FAM133B: variants seen among roughly 807,000 people sequenced by gnomAD.
FAM133B encodes the protein protein FAM133B.
A neutral mutation model predicts 46.4 loss-of-function variants in FAM133B; 25 were observed. The observed-to-expected ratio is 0.54, with a 90% CI of 0.39 to 0.75. FAM133B has a LOEUF of 0.75. Among genes scored for constraint, FAM133B ranks in the 30% least tolerant of loss-of-function variants. The probability of loss-of-function intolerance (pLI) is 0.00; values close to 1 mark genes in which losing one functional copy is unlikely to be tolerated. For synonymous variants in FAM133B, 75 were observed against 86.0 expected, an observed-to-expected ratio of 0.87 and a Z score of 0.71; for missense variants, 205 against 277.6, an observed-to-expected ratio of 0.74 and a Z score of 1.86.
At chr7:92,577,928 T>C in intron 5 of FAM133B, 1 of 650,810 alleles carries the variant, frequency 1.5e-6, no homozygotes. Flanking sequence ...CCAATCTTTC[T>C]CTTTAAATAG....
intron 9 of FAM133B, among the ~76,000 whole-genome samples, chr7:92,569,369 T>C: frequency 6.6e-6 from 1 of 152,104 alleles, no homozygotes; most frequent in East Asian, 1.9e-4. Context: ...AGTAATATGA[T>C]ATGTTTCCTG....
At chr7:92,585,790 A>C (rs1446785663) in intron 1 of FAM133B, among the ~76,000 whole-genome samples, 2 of 152,218 alleles carry the variant, frequency 1.3e-5, no homozygotes, top group Non-Finnish European at 2.9e-5. Flanking sequence ...AAAAAATTTT[A>C]AATAATGATT....
intron 10 of FAM133B, 75 bp downstream of exon 10, chr7:92,565,939 G>A (rs1432423357): frequency 2.0e-6 from 3 of 1,490,818 alleles, no homozygotes; most frequent in Non-Finnish European, 2.8e-6. Context: ...ATCCAATCAA[G>A]CTTTACCATG....
rs1562888538 is a variant in FAM133B at position 92,566,020 on chromosome 7, T to C, written c.651A>G (p.Lys217=). The C allele has an allele frequency of 6.2e-7, 1 of 1,613,748 alleles. No homozygotes were observed. Among genetic ancestry groups the C allele is most frequent in the Non-Finnish European group, 8.5e-7 (1 of 1,179,814 alleles). The change falls in exon 10 of 11, where the codon AAA becomes AAG. Residue 217 remains lysine (K), a synonymous_variant. Transcript: ENST00000445716. ...AACGTTAAGAGATACTTGCTGTTGC[T>C]TTTTCTCGTTCTTCACTGCTTTTCT... ...KKKKSSEERE[K]ATEKTKKKKK...
chr7:92,582,790 C>T (rs1255774122), intron 1 of FAM133B, among the ~76,000 whole-genome samples: 2 of 152,222 alleles, frequency 1.3e-5, no homozygotes, highest in African/African-American at 4.8e-5. Flanking sequence ...CAAAGAGATG[C>T]CATTCTATAC....
intron 9 of FAM133B, among the ~76,000 whole-genome samples, chr7:92,568,150 G>T (rs1022483855): frequency 2.0e-5 from 3 of 151,954 alleles, no homozygotes; most frequent in African/African-American, 7.3e-5. Flanking sequence ...CGTAACTCCT[G>T]GTCTGAACTG....
chr7:92,563,905 C>T (rs752939037), intron 10 of FAM133B, among the ~76,000 whole-genome samples: 3 of 152,186 alleles, frequency 2.0e-5, no homozygotes, highest in African/African-American at 7.2e-5. Context: ...AACTCCATTA[C>T]TATCACTGCT....
rs780917547 is a variant in FAM133B at position 92,581,391 on chromosome 7, A to G, written c.122+115T>C. The G allele has an allele frequency of 1.0e-4, 84 of 822,286 alleles. 1 individual carries two copies. Among genetic ancestry groups the G allele is most frequent in the Non-Finnish European group, 1.5e-4 (81 of 523,848 alleles). The allele number at this position is 822,286 out of a possible 1,614,324, so 50.9% of individuals were successfully genotyped here. ...GAAAGCACATATCAAATGTTACTTA[A>G]AAAAATTACTTATCTGGCAATTGCT... On this transcript the variant is annotated intron_variant, in intron 2 of 10. Transcript: ENST00000445716.
intron 9 of FAM133B, among the ~76,000 whole-genome samples, chr7:92,568,261 A>C (rs763946521): frequency 1.3e-5 from 2 of 151,970 alleles, no homozygotes; most frequent in African/African-American, 2.4e-5. Flanking sequence ...GATATACTGT[A>C]ATGCCACTGT....
intron 6 of FAM133B, 80 bp from the exon 7 acceptor site, chr7:92,577,275 C>T: frequency 1.1e-6 from 1 of 949,714 alleles, no homozygotes; most frequent in Non-Finnish European, 1.5e-6. Flanking sequence ...AAACTTTTAT[C>T]AGTGAACAAA....
At chr7:92,590,020 G>A (rs1222637134) in intron 1 of FAM133B, 4 of 591,330 alleles carry the variant, frequency 6.8e-6, no homozygotes, top group Non-Finnish European at 1.2e-5. Flanking sequence ...GTGCAAACCA[G>A]CAGCGCCAGA....
At chr7:92,581,986 C>T (rs1298402509) in intron 1 of FAM133B, among the ~76,000 whole-genome samples, 1 of 152,126 alleles carries the variant, frequency 6.6e-6, no homozygotes, top group Non-Finnish European at 1.5e-5. Flanking sequence ...CAGTGGCTCA[C>T]GCCTGTAACC....
At position 92,579,323 on chromosome 7, in the gene FAM133B, C is replaced by T; in HGVS notation, c.195G>A (p.Met65Ile). The stretch of plus-strand genomic sequence containing the variant: ...ACAGGTACTTTTTACAAACCTCATT[C>T]ATTTTTTCTTCAAATTCAGCCAAAG... The part of the protein sequence containing the change: ...SKALAEFEEK[M>I]NENWKKELEK... The change falls in exon 3 of 11, where the codon ATG becomes ATA. Residue 65 changes from methionine to isoleucine, a missense_variant. Transcript: ENST00000445716. 4 of 1,608,770 alleles carry T rather than the reference C, an allele frequency of 2.5e-6. No homozygotes were observed. Among genetic ancestry groups the T allele is most frequent in the Non-Finnish European group, 3.4e-6 (4 of 1,178,490 alleles).
chr7:92,565,079 A>G (rs1794298551), intron 10 of FAM133B, among the ~76,000 whole-genome samples: 1 of 151,984 alleles, frequency 6.6e-6, no homozygotes, highest in Non-Finnish European at 1.5e-5. Context: ...AACAGAAATC[A>G]CCATACTTTG....
At chr7:92,590,155 C>G in intron 1 of FAM133B, 113 bp downstream of exon 1, 1 of 1,544,792 alleles carries the variant, frequency 6.5e-7, no homozygotes. Context: ...TCTCCAGGCC[C>G]CACGTCTGAG....
chr7:92,577,828 A>C (rs1168729479), intron 5 of FAM133B, 111 bp from the exon 6 acceptor site: 1 of 845,216 alleles, frequency 1.2e-6, no homozygotes, highest in African/African-American at 1.7e-5. Context: ...AACAGATGCC[A>C]TATTCATAAG....
intron 8 of FAM133B, among the ~76,000 whole-genome samples, chr7:92,575,303 G>A (rs951315213): frequency 4.6e-5 from 7 of 152,138 alleles, no homozygotes; most frequent in South Asian, 4.2e-4. Flanking sequence ...TGGCGAAACC[G>A]TCTCTACTAA....
chr7:92,583,308 G>C (rs1342554638), intron 1 of FAM133B, among the ~76,000 whole-genome samples: 2 of 152,184 alleles, frequency 1.3e-5, no homozygotes, highest in African/African-American at 4.8e-5. Flanking sequence ...CCAGGGTCTG[G>C]GGAGAAGAGG....
chr7:92,589,921 A>C (rs1795144927), intron 1 of FAM133B: 5 of 385,784 alleles, frequency 1.3e-5, no homozygotes, highest in South Asian at 1.2e-4. Flanking sequence ...AAGTCTTCGG[A>C]GTTACATGGC....
Sources: gnomAD v4.1 joint callset for allele counts (sites outside exome capture counted in the v4.1 genomes callset) on GRCh38, gnomAD v4.1.1 for gene constraint, MANE v1.5 for transcripts, NCBI Gene and HGNC (gene_info 2026-07-23, HGNC 2026-07-21) for gene names.